Variants in GRIA4 observed in about 807,000 individuals in gnomAD.
GRIA4 encodes glutamate receptor 4.
In GRIA4, 34 loss-of-function variants were observed where a neutral mutation model predicts 104.0. The observed-to-expected ratio is 0.33, with a 90% CI of 0.25 to 0.44. GRIA4 has a LOEUF of 0.44. Among genes scored for constraint, GRIA4 ranks in the 20% least tolerant of loss-of-function variants. The pLI is 1.00. For missense variants in GRIA4, 750 were observed against 1,096.5 expected (o/e 0.68, Z 4.46); for synonymous variants, 386 against 381.9 (o/e 1.01, Z -0.13).
chr11:105,872,973 G>A (rs1945672238), intron 5 of GRIA4, among the ~76,000 whole-genome samples: 1 of 151,940 alleles, frequency 6.6e-6, no homozygotes, highest in African/African-American at 2.4e-5. Context: ...TGTGCAGAAT[G>A]TGCAGGTTTA....
intron 3 of GRIA4, among the ~76,000 whole-genome samples, chr11:105,722,662 A>G (rs1937905644): frequency 6.6e-6 from 1 of 152,094 alleles, no homozygotes. Context: ...TCTACTTTCT[A>G]AGGTTAAAAT....
At chr11:105,704,542 A>G (rs555640986) in intron 3 of GRIA4, among the ~76,000 whole-genome samples, 1 of 152,116 alleles carries the variant, frequency 6.6e-6, no homozygotes, top group Admixed American at 6.6e-5. Context: ...CATCTTAATA[A>G]AAATAGAGGC....
At chr11:105,723,488 T>C (rs1414151640) in intron 3 of GRIA4, among the ~76,000 whole-genome samples, 1 of 152,064 alleles carries the variant, frequency 6.6e-6, no homozygotes, top group Non-Finnish European at 1.5e-5. Context: ...AATGAGATAA[T>C]GTTGGAAAGG....
At chr11:105,719,380 C>T (rs1954216455) in intron 3 of GRIA4, among the ~76,000 whole-genome samples, 1 of 152,106 alleles carries the variant, frequency 6.6e-6, no homozygotes, top group African/African-American at 2.4e-5. Context: ...CATTGGTGGA[C>T]ATTCCTCTCA....
chr11:105,912,688 T>C, intron 10 of GRIA4: 1 of 901,472 alleles, frequency 1.1e-6, no homozygotes, highest in South Asian at 5.1e-5. Flanking sequence ...ACCTCTGATA[T>C]TTGCAACTGC....
intron 3 of GRIA4, among the ~76,000 whole-genome samples, chr11:105,629,372 A>C (rs2135303450): frequency 6.6e-6 from 1 of 152,216 alleles, no homozygotes; most frequent in East Asian, 1.9e-4. Flanking sequence ...ATGGGCTATT[A>C]GGCAGAATAG....
In GRIA4 at chr11:105,643,909, G is replaced by A. The variant is rs559453921; in HGVS notation, c.247+31475G>A. ...AATTTTGGTAGTTTTAGTAGAGACA[G>A]GGTTTCACCATGTTGGCCAGGCTGG... On this transcript the variant is annotated intron_variant, in intron 3 of 16. Coordinates refer to ENST00000282499, the MANE Select transcript of GRIA4 (RefSeq NM_000829.4). Among the ~76,000 whole-genome samples the A allele has an allele frequency of 3.3e-5, 5 of 152,252 alleles. No homozygotes were observed. The East Asian group carries it at 7.8e-4, about 24-fold the overall frequency.
At chr11:105,956,901 G>A (rs1217380600) in intron 14 of GRIA4, among the ~76,000 whole-genome samples, 5 of 152,156 alleles carry the variant, frequency 3.3e-5, no homozygotes, top group Non-Finnish European at 5.9e-5. Context: ...CTACATAAAT[G>A]TCTTCTTTTG....
chr11:105,917,098 CTT>C, intron 10 of GRIA4, among the ~76,000 whole-genome samples: 2 of 152,242 alleles, frequency 1.3e-5, no homozygotes, highest in South Asian at 4.1e-4. Flanking sequence ...TTGCTAAACT[CTT>C]TATATTTTCA....
intron 3 of GRIA4, among the ~76,000 whole-genome samples, chr11:105,615,784 A>G (rs1462681303): frequency 6.6e-6 from 1 of 151,734 alleles, no homozygotes; most frequent in Non-Finnish European, 1.5e-5. Context: ...GTTTTCTCAT[A>G]TTTTTTCAAT....
intron 5 of GRIA4, among the ~76,000 whole-genome samples, chr11:105,879,315 G>C (rs2136075491): frequency 6.6e-6 from 1 of 152,290 alleles, no homozygotes; most frequent in East Asian, 1.9e-4. Context: ...GGGAGTGGCA[G>C]ACCGGAGCTG....
chr11:105,893,225 T>C (rs1476801584), intron 6 of GRIA4, among the ~76,000 whole-genome samples: 1 of 152,098 alleles, frequency 6.6e-6, no homozygotes, highest in Non-Finnish European at 1.5e-5. Flanking sequence ...AACCACTGAT[T>C]TCTTCCTGAC....
rs138769743 is a variant in GRIA4, at chr11:105,850,570, G to A, written c.488-11454G>A. Among the ~76,000 whole-genome samples the A allele has an allele frequency of 2.4e-3, 362 of 152,258 alleles. 2 individuals are homozygous for A. The highest frequency in any genetic ancestry group is 8.3e-3 in the African/African-American group (346 of 41,560). On this transcript the variant is annotated intron_variant, in intron 4 of 16. Coordinates refer to ENST00000282499, the MANE Select transcript of GRIA4 (RefSeq NM_000829.4). ...GAGAAGGCAGTTGATAGTGTGTCCT[G>A]AGCAGTGCCGGGACAACATCATTAA... is the stretch of plus-strand genomic sequence containing the variant.
chr11:105,845,755 G>A (rs1449125416), intron 4 of GRIA4, among the ~76,000 whole-genome samples: 1 of 152,144 alleles, frequency 6.6e-6, no homozygotes, highest in Non-Finnish European at 1.5e-5. Context: ...GTGGTGGTGG[G>A]TGCCTGTAGT....
At chr11:105,680,009 T>A (rs1952658949) in intron 3 of GRIA4, among the ~76,000 whole-genome samples, 1 of 152,072 alleles carries the variant, frequency 6.6e-6, no homozygotes, top group South Asian at 2.1e-4. Context: ...CCATTTGGAG[T>A]AGCAGTTAAA....
At chr11:105,865,318 A>G (rs1454999685) in intron 5 of GRIA4, among the ~76,000 whole-genome samples, 3 of 152,250 alleles carry the variant, frequency 2.0e-5, no homozygotes, top group African/African-American at 7.2e-5. Flanking sequence ...CCAATCAAAC[A>G]AATTGGAATT....
intron 16 of GRIA4, among the ~76,000 whole-genome samples, chr11:105,975,175 A>C (rs536247326): frequency 6.6e-6 from 1 of 152,306 alleles, no homozygotes; most frequent in Admixed American, 6.5e-5. Flanking sequence ...TGATCATCAG[A>C]ATTTTGACTA....
intron 3 of GRIA4, among the ~76,000 whole-genome samples, chr11:105,614,936 G>C (rs1231608019): frequency 1.3e-5 from 2 of 151,848 alleles, no homozygotes; most frequent in Non-Finnish European, 2.9e-5. Flanking sequence ...GTACAAAAGG[G>C]TAAAAATAGG....
intron 4 of GRIA4, among the ~76,000 whole-genome samples, chr11:105,759,651 G>T (rs1940508749): frequency 6.6e-6 from 1 of 151,944 alleles, no homozygotes; most frequent in South Asian, 2.1e-4. Context: ...TTTTTCCAAA[G>T]ATTTGTGCAC....
Sources: gnomAD v4.1 joint callset for allele counts (sites outside exome capture counted in the v4.1 genomes callset) on GRCh38, gnomAD v4.1.1 for gene constraint, MANE v1.5 for transcripts, NCBI Gene and HGNC (gene_info 2026-07-23, HGNC 2026-07-21) for gene names.